ASXL2: variants seen among roughly 807,000 people sequenced by gnomAD.
ASXL2 encodes ASXL transcriptional regulator 2.
A neutral mutation model predicts 122.0 loss-of-function variants in ASXL2; 23 were observed. That is an observed-to-expected ratio of 0.19 (90% CI 0.14 to 0.27). The LOEUF is 0.27. Among genes scored for constraint, ASXL2 ranks in the 10% least tolerant of loss-of-function variants. The pLI is 1.00. For missense variants in ASXL2, 1,518 were observed against 1,713.8 expected, an observed-to-expected ratio of 0.89 and a Z score of 2.02; for synonymous variants, 650 against 637.0, an observed-to-expected ratio of 1.02 and a Z score of -0.31.
chr2:25,845,247 C>T (rs1221303026), intron 2 of ASXL2: 1 of 567,948 alleles, frequency 1.8e-6, no homozygotes. Flanking sequence ...AATTAAAGTG[C>T]ATGGGCTTAA....
At chr2:25,832,849 G>A (rs907417904) in intron 3 of ASXL2, among the ~76,000 whole-genome samples, 4 of 152,036 alleles carry the variant, frequency 2.6e-5, no homozygotes, top group East Asian at 3.9e-4. Context: ...AATACTACTC[G>A]GCAATAAAAA....
intron 12 of ASXL2, among the ~76,000 whole-genome samples, chr2:25,748,580 C>T (rs994144333): frequency 6.6e-6 from 1 of 151,614 alleles, no homozygotes; most frequent in Non-Finnish European, 1.5e-5. Flanking sequence ...CCTGACAGAA[C>T]TAATTTTGGT....
intron 4 of ASXL2, among the ~76,000 whole-genome samples, chr2:25,802,506 T>A (rs1266152582): frequency 6.6e-6 from 1 of 152,202 alleles, no homozygotes; most frequent in Non-Finnish European, 1.5e-5. Context: ...TGGTCCTTGA[T>A]CCCAGCTTCC....
At chr2:25,827,816 G>C (rs2089396254) in intron 3 of ASXL2, among the ~76,000 whole-genome samples, 1 of 152,164 alleles carries the variant, frequency 6.6e-6, no homozygotes, top group African/African-American at 2.4e-5. Context: ...CAGAGCAGCA[G>C]ATGGGCACAG....
At chr2:25,805,012 T>C (rs2089060773) in intron 4 of ASXL2, among the ~76,000 whole-genome samples, 1 of 152,020 alleles carries the variant, frequency 6.6e-6, no homozygotes. Flanking sequence ...ACTGTGCCAC[T>C]GCACTCCAGC....
At chr2:25,863,734 C>T (rs1437271391) in intron 1 of ASXL2, among the ~76,000 whole-genome samples, 1 of 148,114 alleles carries the variant, frequency 6.8e-6, no homozygotes, top group African/African-American at 2.5e-5. Context: ...GGTCGGGTGC[C>T]GTGGCTCACA....
intron 3 of ASXL2, among the ~76,000 whole-genome samples, chr2:25,833,729 C>A (rs1354431606): frequency 6.6e-6 from 1 of 151,928 alleles, no homozygotes; most frequent in African/African-American, 2.4e-5. Flanking sequence ...CTTTGGGGAA[C>A]TATGCCCTCC....
intron 3 of ASXL2, among the ~76,000 whole-genome samples, chr2:25,828,634 G>T (rs1237154973): frequency 3.3e-5 from 5 of 151,520 alleles, no homozygotes; most frequent in African/African-American, 1.2e-4. Flanking sequence ...GACCAGCTTG[G>T]CTAACATAGT....
chr2:25,838,448 C>G (rs78705546), intron 2 of ASXL2, among the ~76,000 whole-genome samples: 1 of 152,186 alleles, frequency 6.6e-6, no homozygotes, highest in East Asian at 1.9e-4. Context: ...ACCATAAGAA[C>G]TATAGAAGTG....
intron 7 of ASXL2, among the ~76,000 whole-genome samples, 182 bp downstream of exon 7, chr2:25,768,560 A>G (rs1007194654): frequency 6.6e-6 from 1 of 152,196 alleles, no homozygotes; most frequent in Non-Finnish European, 1.5e-5. Context: ...TAATAACTGC[A>G]TGATTATTTT....
In ASXL2 at chr2:25,775,458, G is replaced by A. The variant is rs552153844; in HGVS notation, c.404-3918C>T. Among the ~76,000 whole-genome samples the A allele has an allele frequency of 2.6e-5, 4 of 152,212 alleles. No homozygotes were observed. In the East Asian group the frequency reaches 5.8e-4, roughly 22 times the overall value. ...TCTCATCTTGAATTGTAATCCCCAC[G>A]TGTCAGCGGAGTGACCTGTAATCAC... is the stretch of plus-strand genomic sequence containing the variant. On this transcript the variant is annotated intron_variant, in intron 5 of 12. Transcript: ENST00000435504.
At chr2:25,788,796 TTG>T (rs2088787920) in intron 5 of ASXL2, among the ~76,000 whole-genome samples, 1 of 152,160 alleles carries the variant, frequency 6.6e-6, no homozygotes, top group African/African-American at 2.4e-5. Context: ...TCTTACTAAC[TTG>T]TAGGAGTTCC....
intron 3 of ASXL2, among the ~76,000 whole-genome samples, chr2:25,834,257 A>G (rs1244251672): frequency 6.6e-6 from 1 of 151,744 alleles, no homozygotes; most frequent in East Asian, 1.9e-4. Context: ...GGAGGCTGAA[A>G]CAGAAGAATC....
chr2:25,741,728 C>A lies in ASXL2; in HGVS notation c.*301G>T. 1 of 350,460 alleles carries A rather than the reference C, an allele frequency of 2.9e-6. No individual in the cohort carries two copies. The highest frequency in any genetic ancestry group is 2.0e-5 in the African/African-American group (1 of 49,828). The allele number at this position is 350,460 out of a possible 1,614,324, so 21.7% of individuals were successfully genotyped here. A position where few individuals can be genotyped will look rare whatever the true frequency, so the allele number is the denominator to read the frequency against. On this transcript the variant is annotated 3_prime_UTR_variant, in exon 13 of 13. Transcript: ENST00000435504. ...ACATTAATCTGAATTCAAAGTAATA[C>A]ATTATTACCTAAACACTTGGAAAAA... is the stretch of plus-strand genomic sequence containing the variant.
chr2:25,782,351 C>G (rs937935201), intron 5 of ASXL2, among the ~76,000 whole-genome samples: 2 of 151,740 alleles, frequency 1.3e-5, no homozygotes, highest in African/African-American at 2.4e-5. Flanking sequence ...TTCAGACCAG[C>G]CAGGCCAACA....
At chr2:25,835,182 C>T (rs919131432) in intron 3 of ASXL2, among the ~76,000 whole-genome samples, 1 of 152,102 alleles carries the variant, frequency 6.6e-6, no homozygotes, top group Non-Finnish European at 1.5e-5. Context: ...AATCTTACAG[C>T]CATAAAGCAA....
rs1192837026 is a variant in ASXL2, at chr2:25,744,770, C to T, written c.1861-294G>A. ...CCTCCTAATGCCACTATTACAAGTG[C>T]TTATTATGATACAAAGTTTTCTATG... On this transcript the variant is annotated intron_variant, in intron 12 of 12. Coordinates refer to ENST00000435504, the MANE Select transcript of ASXL2 (RefSeq NM_018263.6). This position sits in a 1 kb window ranked among gnomAD's most constrained non-coding sequence, Gnocchi z 4.7. 6.6e-6 allele frequency among the ~76,000 whole-genome samples: 1 copy of T among 152,142 alleles called. No individual in the cohort carries two copies. Among genetic ancestry groups the T allele is most frequent in the African/African-American group, 2.4e-5 (1 of 41,428 alleles).
At chr2:25,836,606 AT>A (rs2089514775) in intron 2 of ASXL2, among the ~76,000 whole-genome samples, 1 of 152,224 alleles carries the variant, frequency 6.6e-6, no homozygotes, top group South Asian at 2.1e-4. Context: ...ATCAGATGTC[AT>A]TAGGACTCCC....
At chr2:25,772,454 C>A (rs925991366) in intron 5 of ASXL2, among the ~76,000 whole-genome samples, 1 of 152,058 alleles carries the variant, frequency 6.6e-6, no homozygotes, top group African/African-American at 2.4e-5. Flanking sequence ...CACACAAGAC[C>A]GTGTGCGGTG....
Sources: allele counts gnomAD v4.1 joint callset (sites outside exome capture counted in the v4.1 genomes callset), GRCh38; gene constraint gnomAD v4.1.1; non-coding constraint Gnocchi (gnomAD v3.1); transcripts MANE v1.5; gene names NCBI Gene and HGNC (gene_info 2026-07-23, HGNC 2026-07-21).